The following PHC2 variants were observed in gnomAD, a reference collection of about 807,000 sequenced individuals.
The protein encoded by PHC2 is polyhomeotic homolog 2, also known as polyhomeotic-like protein 2.
Under a neutral mutation model 87.4 loss-of-function variants are expected in PHC2, and 29 were observed. The observed-to-expected ratio is 0.33, with a 90% CI of 0.25 to 0.45. The LOEUF (loss-of-function observed/expected upper bound fraction) is 0.45, where lower values mean the gene tolerates loss of function less well. PHC2 is among the 20% of genes least tolerant of loss of function. PHC2 has a pLI of 1.00. For missense variants in PHC2, 857 were observed against 1,136.7 expected (o/e 0.75, Z 3.54); for synonymous variants, 438 against 461.7 (o/e 0.95, Z 0.66).
intron 1 of PHC2, among the ~76,000 whole-genome samples, chr1:33,411,105 T>C (rs1429916176): frequency 6.6e-6 from 1 of 152,210 alleles, no homozygotes; most frequent in Non-Finnish European, 1.5e-5. Context: ...CCAGCTTCAT[T>C]ACCCAATATA....
rs1304774541 is a variant in PHC2, at chr1:33,375,030, T to A, written c.174+336A>T. Among the ~76,000 whole-genome samples the A allele has an allele frequency of 3.9e-5, 6 of 152,170 alleles. 1 individual carries two copies. The highest frequency in any genetic ancestry group is 7.3e-5 in the Non-Finnish European group (5 of 68,028). On this transcript the variant is annotated intron_variant, in intron 2 of 14. Coordinates refer to ENST00000683057, the MANE Select transcript of PHC2 (RefSeq NM_001385109.1). Reference sequence around the variant, plus strand: ...TTTGGGGGTTCTCTTTGGCTTTTGGTCTCTGAAAAACTGAGATGTGTTCTT... The same window carrying A: ...TTTGGGGGTTCTCTTTGGCTTTTGGACTCTGAAAAACTGAGATGTGTTCTT...
intron 9 of PHC2, 44 bp downstream of exon 9, chr1:33,354,357 G>A (rs1201159936): frequency 1.3e-6 from 2 of 1,563,512 alleles, no homozygotes; most frequent in Non-Finnish European, 1.7e-6. Context: ...TGGCAAGAAA[G>A]GCCAACTTCC....
intron 1 of PHC2, among the ~76,000 whole-genome samples, chr1:33,423,643 A>G (rs778250243): frequency 8.5e-5 from 13 of 152,264 alleles, no homozygotes; most frequent in Non-Finnish European, 1.6e-4. Context: ...TATTTCTAGA[A>G]ACAGCATTAA....
rs1482376294 is a variant in PHC2, at chr1:33,382,336, G to A, written c.-54-6743C>T. 6.6e-6 allele frequency among the ~76,000 whole-genome samples: 1 copy of A among 152,048 alleles called. No individual in the cohort carries two copies. Among genetic ancestry groups the A allele is most frequent in the Non-Finnish European group, 1.5e-5 (1 of 68,014 alleles). Reference sequence around the variant, plus strand: ...CTCTCCTTACATCCTTCCCTCTGGTGACCCACATTAGAAAATCTGAATCCT... The same window carrying A: ...CTCTCCTTACATCCTTCCCTCTGGTAACCCACATTAGAAAATCTGAATCCT... On this transcript the variant is annotated intron_variant, in intron 1 of 14. Coordinates refer to ENST00000683057, the MANE Select transcript of PHC2 (RefSeq NM_001385109.1). The surrounding 1 kb of genome is among the most constrained non-coding windows in gnomAD (Gnocchi z 4.3).
intron 1 of PHC2, among the ~76,000 whole-genome samples, chr1:33,398,223 T>C (rs1649374140): frequency 6.6e-6 from 1 of 152,178 alleles, no homozygotes; most frequent in Admixed American, 6.5e-5. Flanking sequence ...CTCAGCAGGA[T>C]GTGAAATGCT....
chr1:33,381,594 A>G (rs1268088434), intron 1 of PHC2, among the ~76,000 whole-genome samples: 1 of 151,844 alleles, frequency 6.6e-6, no homozygotes, highest in Admixed American at 6.6e-5. Flanking sequence ...TAAGGTCATC[A>G]TAGAACTGGG....
At position 33,334,192 on chromosome 1, in the gene PHC2, G is replaced by C. The variant is rs1646571685; in HGVS notation, c.1659C>G (p.Pro553=). Residue 553 remains proline, a synonymous_variant, in exon 10 of 15, where the codon CCC becomes CCG. Coordinates refer to ENST00000683057, the MANE Select transcript of PHC2 (RefSeq NM_001385109.1). This position sits in a 1 kb window ranked among gnomAD's most constrained non-coding sequence, Gnocchi z 5.5. ...NSASSIAGTA[P]QNGENKPPQA... ...GTGGTGGTTTATTCTCACCATTCTGGGGGGCAGTGCCGGCGATGCTGGAGG... is the reference window on the plus strand; with the variant it reads ...GTGGTGGTTTATTCTCACCATTCTGCGGGGCAGTGCCGGCGATGCTGGAGG... 1.2e-6 allele frequency: 2 copies of C among 1,612,988 alleles called. No homozygotes were observed. The highest frequency in any genetic ancestry group is 8.5e-7 in the Non-Finnish European group (1 of 1,179,764).
At chr1:33,362,686 C>G (rs1647225731) in intron 7 of PHC2, among the ~76,000 whole-genome samples, 2 of 152,230 alleles carry the variant, frequency 1.3e-5, no homozygotes, top group Admixed American at 6.5e-5. Context: ...GTCACACGCG[C>G]ACACAGCCCC....
intron 1 of PHC2, among the ~76,000 whole-genome samples, chr1:33,409,937 TG>T (rs1170664044): frequency 2.0e-5 from 3 of 152,264 alleles, no homozygotes; most frequent in Non-Finnish European, 2.9e-5. Flanking sequence ...AAAAATATTT[TG>T]AAGAATACCC....
At chr1:33,398,688 T>C (rs1649393727) in intron 1 of PHC2, among the ~76,000 whole-genome samples, 1 of 152,220 alleles carries the variant, frequency 6.6e-6, no homozygotes, top group South Asian at 2.1e-4. Context: ...GTCCTCTGCA[T>C]TGAAGTACCT....
At chr1:33,379,854 A>C (rs1250833683) in intron 1 of PHC2, among the ~76,000 whole-genome samples, 1 of 71,686 alleles carries the variant, frequency 1.4e-5, no homozygotes, top group Non-Finnish European at 2.7e-5. Flanking sequence ...CTCGCCCTTG[A>C]CCAGTCTCCT....
intron 5 of PHC2, 94 bp downstream of exon 5, chr1:33,370,327 T>C (rs1647742388): frequency 8.0e-7 from 1 of 1,250,428 alleles, no homozygotes; most frequent in African/African-American, 1.5e-5. Context: ...CCCCTAGTGC[T>C]TCCTCCCCAC....
At chr1:33,338,060 T>C (rs1646674378) in intron 9 of PHC2, among the ~76,000 whole-genome samples, 1 of 152,228 alleles carries the variant, frequency 6.6e-6, no homozygotes, top group African/African-American at 2.4e-5. Context: ...CCCTCTGACC[T>C]TGTCTTTTGT....
In PHC2 at chr1:33,371,044, A is replaced by G. The variant is rs759269133; in HGVS notation, c.384T>C (p.Ser128=). 1.2e-6 allele frequency: 2 copies of G among 1,614,002 alleles called. No individual in the cohort carries two copies. Among genetic ancestry groups the G allele is most frequent in the Non-Finnish European group, 1.7e-6 (2 of 1,179,998 alleles). The part of the protein sequence containing the change: ...RQGSTSGSNV[S]AQAPAQSSSI... ...AAGATGACTGGGCCGGGGCCTGCGC[A>G]GACACATTGCTGCCTGAAGTGCTTC... Residue 128 remains serine, a synonymous_variant, in exon 4 of 15, where the codon TCT becomes TCC. Coordinates refer to ENST00000683057, the MANE Select transcript of PHC2 (RefSeq NM_001385109.1).
In PHC2 at chr1:33,355,329, C is replaced by T. The variant is rs778327257; in HGVS notation, c.977-76G>A. On this transcript the variant is annotated intron_variant, in intron 7 of 14. Transcript: ENST00000683057. ...CTGTGTCTTCCAACTCTGCCCCTCC[C>T]GCATCCAAATAAAAATGGCTTCCCA... 2.2e-5 allele frequency: 30 copies of T among 1,340,294 alleles called. No individual in the cohort carries two copies. The East Asian group carries it at 2.8e-4, about 13-fold the overall frequency. 83.0% of individuals were successfully genotyped at this position (1,340,294 alleles called of 1,614,324 possible). A position where few individuals can be genotyped will look rare whatever the true frequency, so the allele number is the denominator to read the frequency against.
intron 1 of PHC2, among the ~76,000 whole-genome samples, chr1:33,416,892 C>T (rs939351432): frequency 6.6e-6 from 1 of 151,978 alleles, no homozygotes; most frequent in Non-Finnish European, 1.5e-5. Flanking sequence ...ATAAAGGTCA[C>T]GTTTCCTCAT....
intron 1 of PHC2, among the ~76,000 whole-genome samples, chr1:33,408,526 T>C (rs1032323859): frequency 2.0e-5 from 3 of 152,204 alleles, no homozygotes; most frequent in Admixed American, 6.5e-5. Flanking sequence ...AGTGGGACGA[T>C]CTCGGCTCAC....
intron 1 of PHC2, among the ~76,000 whole-genome samples, chr1:33,410,988 A>C (rs1649960504): frequency 6.6e-6 from 1 of 152,188 alleles, no homozygotes; most frequent in African/African-American, 2.4e-5. Context: ...TGAAGAACCA[A>C]GTCTTTCTTC....
chr1:33,366,349 C>T (rs1324539883), intron 7 of PHC2, among the ~76,000 whole-genome samples: 5 of 152,168 alleles, frequency 3.3e-5, no homozygotes, highest in Non-Finnish European at 7.3e-5. Flanking sequence ...GCAGATTTTC[C>T]CATTAAAGAT....
Sources: gnomAD v4.1 joint callset for allele counts (sites outside exome capture counted in the v4.1 genomes callset) on GRCh38, gnomAD v4.1.1 for gene constraint, Gnocchi (gnomAD v3.1) non-coding constraint, MANE v1.5 for transcripts, NCBI Gene and HGNC (gene_info 2026-07-23, HGNC 2026-07-21) for gene names.